The following SLC28A2 variants were observed in gnomAD, a reference collection of about 807,000 sequenced individuals.
SLC28A2 encodes the protein solute carrier family 28 member 2, also known as sodium/nucleoside cotransporter 2.
In SLC28A2, 69 loss-of-function variants were observed where a neutral mutation model predicts 72.9. The ratio of observed to expected loss-of-function variants is 0.95; its 90% CI spans 0.78 to 1.16. The LOEUF (loss-of-function observed/expected upper bound fraction) is 1.16. Among genes scored for constraint, SLC28A2 ranks in the 50% most tolerant of loss-of-function variants. SLC28A2 has a pLI of 0.00. For missense variants in SLC28A2, 745 were observed against 791.1 expected (o/e 0.94, Z 0.70); for synonymous variants, 296 against 294.1 (o/e 1.01, Z -0.07).
At chr15:45,268,630 C>G (rs935124732) in intron 13 of SLC28A2, among the ~76,000 whole-genome samples, 3 of 152,090 alleles carry the variant, frequency 2.0e-5, no homozygotes, top group Non-Finnish European at 2.9e-5. Context: ...GGATCTAGAA[C>G]TAGAAATACC....
intron 3 of SLC28A2, among the ~76,000 whole-genome samples, chr15:45,257,989 C>T (rs1027158968): frequency 1.3e-5 from 2 of 152,028 alleles, no homozygotes; most frequent in African/African-American, 4.8e-5. Flanking sequence ...TTTGGGAGGC[C>T]AAGGCAGGCA....
chr15:45,269,152 A>C (rs531862539), intron 13 of SLC28A2, among the ~76,000 whole-genome samples, 186 bp from the exon 14 acceptor site: 38 of 151,926 alleles, frequency 2.5e-4, no homozygotes, highest in African/African-American at 8.5e-4. Context: ...ATGTACCCTA[A>C]GACTTAAAGT....
Position 45,275,731 on chromosome 15 carries a change from C to T in SLC28A2, c.*218C>T. The T allele has an allele frequency of 1.7e-5, 7 of 419,706 alleles. No homozygotes were observed. The highest frequency in any genetic ancestry group is 2.6e-5 in the Non-Finnish European group (6 of 231,290). 26.0% of individuals were successfully genotyped at this position (419,706 alleles called of 1,614,324 possible). A position where few individuals can be genotyped will look rare whatever the true frequency, so the allele number is the denominator to read the frequency against. On this transcript the variant is annotated 3_prime_UTR_variant, in exon 18 of 18. Coordinates refer to ENST00000347644, the MANE Select transcript of SLC28A2 (RefSeq NM_004212.4). ...CGGGCGGATCACAAGGTCAGGAGAT[C>T]GAGACCATCCTGGCTAACACAGTGA...
At position 45,276,834 on chromosome 15, in the gene SLC28A2, C is replaced by CA. The variant is rs1900768220; in HGVS notation, c.*1327dup. On this transcript the variant is annotated 3_prime_UTR_variant, in exon 18 of 18. Transcript: ENST00000347644. ...CTTCTTAACAACATTACACAGTAAA[C>CA]AAAAAATACTTCCTGTATACTAAGG... 1 of 152,050 alleles carries CA rather than the reference C, an allele frequency of 6.6e-6. No homozygotes were observed. Among genetic ancestry groups the CA allele is most frequent in the African/African-American group, 2.4e-5 (1 of 41,402 alleles). The allele number at this position is 152,050 out of a possible 1,614,324, so 9.4% of individuals were successfully genotyped here.
At chr15:45,254,246 T>C (rs998013469) in intron 3 of SLC28A2, among the ~76,000 whole-genome samples, 5 of 151,620 alleles carry the variant, frequency 3.3e-5, no homozygotes, top group Admixed American at 6.6e-5. Context: ...GAAGAGGACA[T>C]TGGATAGCTT....
chr15:45,252,301 G>A (rs575267255), intron 1 of SLC28A2, 23 bp downstream of exon 1: 29 of 455,870 alleles, frequency 6.4e-5, no homozygotes, highest in South Asian at 4.2e-4. Context: ...GTTTGGGGGA[G>A]GGCAGGTGCC....
intron 15 of SLC28A2, among the ~76,000 whole-genome samples, chr15:45,271,461 AG>A (rs1900562674): frequency 6.6e-6 from 1 of 152,070 alleles, no homozygotes; most frequent in Non-Finnish European, 1.5e-5. Context: ...TCTACTCGGG[AG>A]GCTGAGGTGG....
intron 14 of SLC28A2, 64 bp downstream of exon 14, chr15:45,269,599 C>T (rs970114586): frequency 1.4e-6 from 2 of 1,420,178 alleles, no homozygotes; most frequent in African/African-American, 1.4e-5. Context: ...TGAGGGTAGA[C>T]AGAAAGTGCC....
rs747240034 is a variant in SLC28A2, at chr15:45,276,900, T to G, written c.*1387T>G. The G allele has an allele frequency of 2.0e-5, 3 of 152,184 alleles. No homozygotes were observed. Among genetic ancestry groups the G allele is most frequent in the Admixed American group, 6.5e-5 (1 of 15,284 alleles). The allele number at this position is 152,184 out of a possible 1,614,324, so 9.4% of individuals were successfully genotyped here. A position where few individuals can be genotyped will look rare whatever the true frequency, so the allele number is the denominator to read the frequency against. ...TATCCATTTCTTAAAGGCCATTACTTTGTTGTAGTATTCTGCTTTAGTGCT... is the reference window on the plus strand; with the variant it reads ...TATCCATTTCTTAAAGGCCATTACTGTGTTGTAGTATTCTGCTTTAGTGCT... On this transcript the variant is annotated 3_prime_UTR_variant, in exon 18 of 18. Transcript: ENST00000347644.
rs954169189 is a variant in SLC28A2, at chr15:45,277,183, G to C, written c.*1670G>C. ...AATTGTGCTGAGACTCAGAAACTCT[G>C]ATTCAAAATATTTTAGATATTTATT... is the stretch of plus-strand genomic sequence containing the variant. On this transcript the variant is annotated 3_prime_UTR_variant, in exon 18 of 18. Transcript: ENST00000347644. 1 of 150,748 alleles carries C rather than the reference G, an allele frequency of 6.6e-6. No homozygotes were observed. Among genetic ancestry groups the C allele is most frequent in the East Asian group, 1.9e-4 (1 of 5,176 alleles). The allele number at this position is 150,748 out of a possible 1,614,324, so 9.3% of individuals were successfully genotyped here. A position where few individuals can be genotyped will look rare whatever the true frequency, so the allele number is the denominator to read the frequency against.
intron 3 of SLC28A2, among the ~76,000 whole-genome samples, chr15:45,258,953 A>C (rs1900062927): frequency 6.6e-6 from 1 of 152,296 alleles, no homozygotes; most frequent in African/African-American, 2.4e-5. Context: ...CTCCCCTGGC[A>C]GTGTTATGAG....
At position 45,275,962 on chromosome 15, in the gene SLC28A2, T is replaced by G. The variant is rs1270514621; in HGVS notation, c.*449T>G. 6.6e-6 allele frequency: 1 copy of G among 152,212 alleles called. No individual in the cohort carries two copies. Among genetic ancestry groups the G allele is most frequent in the Non-Finnish European group, 1.5e-5 (1 of 68,302 alleles). The allele number at this position is 152,212 out of a possible 1,614,324, so 9.4% of individuals were successfully genotyped here. Reference sequence around the variant, plus strand: ...AAAAAAAAAAAAAAAAAAAGATTCATTTTGGTTCGCTGTATCCCAATAACG... The same window carrying G: ...AAAAAAAAAAAAAAAAAAAGATTCAGTTTGGTTCGCTGTATCCCAATAACG... On this transcript the variant is annotated 3_prime_UTR_variant, in exon 18 of 18. Coordinates refer to ENST00000347644, the MANE Select transcript of SLC28A2 (RefSeq NM_004212.4).
At position 45,268,452 on chromosome 15, in the gene SLC28A2, C is replaced by T. The variant is rs1012294749; in HGVS notation, c.1368+74C>T. The T allele has an allele frequency of 1.7e-5, 21 of 1,266,258 alleles. No homozygotes were observed. In the Admixed American group the frequency reaches 3.0e-4, roughly 18 times the overall value. The allele number at this position is 1,266,258 out of a possible 1,614,324, so 78.4% of individuals were successfully genotyped here. A position where few individuals can be genotyped will look rare whatever the true frequency, so the allele number is the denominator to read the frequency against. ...GCCCTTCAAACATGCATGTCCAAAT[C>T]AAAACCACAATGAGATACCATCTCA... On this transcript the variant is annotated intron_variant, in intron 13 of 17. Coordinates refer to ENST00000347644, the MANE Select transcript of SLC28A2 (RefSeq NM_004212.4).
At chr15:45,268,860 C>T (rs1900434851) in intron 13 of SLC28A2, among the ~76,000 whole-genome samples, 1 of 151,990 alleles carries the variant, frequency 6.6e-6, no homozygotes, top group Admixed American at 6.6e-5. Context: ...AGTTCACGTC[C>T]TTTGTAGGGA....
Position 45,263,152 on chromosome 15 carries a change from G to A in SLC28A2, c.354G>A (p.Leu118=). 7.4e-6 allele frequency: 12 copies of A among 1,613,924 alleles called. No individual in the cohort carries two copies. The highest frequency in any genetic ancestry group is 1.0e-5 in the Non-Finnish European group (12 of 1,179,910). The change falls in exon 5 of 18, where the codon CTG becomes CTA. Residue 118 remains leucine (L), a synonymous_variant. Transcript: ENST00000347644. ...TCACCTGCTTGGTGATCTTTGTCCT[G>A]GTTCACTCGTTTTTGAAAAAGCTCC... The part of the protein sequence containing the change: ...FVITCLVIFV[L]VHSFLKKLLG...
chr15:45,257,403 G>A (rs2140561087), intron 3 of SLC28A2, among the ~76,000 whole-genome samples: 1 of 152,132 alleles, frequency 6.6e-6, no homozygotes, highest in South Asian at 2.1e-4. Context: ...AATACATTGA[G>A]GGCAAGATCA....
chr15:45,261,505 C>T (rs1405380337), intron 3 of SLC28A2, among the ~76,000 whole-genome samples: 1 of 152,088 alleles, frequency 6.6e-6, no homozygotes, highest in Non-Finnish European at 1.5e-5. Context: ...CTTGAATATC[C>T]CTACTTGCTG....
chr15:45,253,282 G>A lies in SLC28A2; in HGVS notation c.67G>A (p.Gly23Arg), dbSNP rs147419508. The A allele has an allele frequency of 3.1e-6, 5 of 1,612,646 alleles. No individual in the cohort carries two copies. In the East Asian group the frequency reaches 8.9e-5, roughly 29 times the overall value. The change falls in exon 2 of 18, where the codon GGG (glycine) becomes AGG (arginine). Residue 23 changes from glycine to arginine, a missense_variant. Transcript: ENST00000347644. Reference sequence around the variant, plus strand: ...AGTGGAGACTGGCACAGTGAACCCGGGGCTGGAGCTCATGGTAATCACCAG... The same window carrying A: ...AGTGGAGACTGGCACAGTGAACCCGAGGCTGGAGCTCATGGTAATCACCAG... ...STVETGTVNP[G>R]LELMEKEVEP...
chr15:45,268,730 C>A (rs549100039), intron 13 of SLC28A2, among the ~76,000 whole-genome samples: 3 of 151,992 alleles, frequency 2.0e-5, no homozygotes, highest in Non-Finnish European at 4.4e-5. Flanking sequence ...ATGTTTATTG[C>A]GGCACTATTC....
Sources: allele counts gnomAD v4.1 joint callset (sites outside exome capture counted in the v4.1 genomes callset), GRCh38; gene constraint gnomAD v4.1.1; transcripts MANE v1.5; gene names NCBI Gene and HGNC (gene_info 2026-07-23, HGNC 2026-07-21).